Variants in COL21A1 observed in about 807,000 individuals in gnomAD.
COL21A1 encodes collagen type XXI alpha 1 chain, also known as collagen alpha-1(XXI) chain.
COL21A1 carries 149 observed loss-of-function variants against 137.9 expected under a neutral mutation model. The observed-to-expected ratio is 1.08, with a 90% CI of 0.95 to 1.24. The LOEUF is 1.24. COL21A1 is among the 50% of genes most tolerant of loss of function. COL21A1 has a pLI of 0.00. For synonymous variants in COL21A1, 456 were observed against 391.5 expected (o/e 1.16, Z -1.95); for missense variants, 1,167 against 1,158.4 (o/e 1.01, Z -0.11).
chr6:56,090,766 G>A (rs1459620424), intron 17 of COL21A1, among the ~76,000 whole-genome samples: 1 of 151,734 alleles, frequency 6.6e-6, no homozygotes, highest in Non-Finnish European at 1.5e-5. Context: ...AAATACAATT[G>A]AATTTTCAAA....
chr6:56,301,643 C>T (rs1296386027), intron 1 of COL21A1, among the ~76,000 whole-genome samples: 2 of 152,122 alleles, frequency 1.3e-5, no homozygotes, highest in Non-Finnish European at 2.9e-5. Context: ...CCACTTCACC[C>T]TTTAGATATG....
intron 1 of COL21A1, among the ~76,000 whole-genome samples, chr6:56,357,751 T>C (rs964348891): frequency 3.5e-4 from 54 of 152,192 alleles, no homozygotes; most frequent in African/African-American, 1.2e-3. Flanking sequence ...GTCCTGGTTA[T>C]TCTCTGGAAA....
intron 3 of COL21A1, among the ~76,000 whole-genome samples, chr6:56,179,038 G>A (rs1777696844): frequency 1.0e-5 from 1 of 100,028 alleles, no homozygotes; most frequent in Non-Finnish European, 2.2e-5. Flanking sequence ...AATTACAGTA[G>A]GAAATTGTCT....
intron 1 of COL21A1, among the ~76,000 whole-genome samples, chr6:56,280,088 A>G (rs1763756900): frequency 6.6e-6 from 1 of 152,138 alleles, no homozygotes; most frequent in Non-Finnish European, 1.5e-5. Flanking sequence ...CTTACCTACA[A>G]TCCACAAGTT....
intron 1 of COL21A1, among the ~76,000 whole-genome samples, chr6:56,269,263 C>G (rs1483855559): frequency 1.3e-5 from 2 of 152,172 alleles, no homozygotes; most frequent in Admixed American, 1.3e-4. Context: ...AAAAGAATCT[C>G]TGCTAAATAC....
intron 1 of COL21A1, among the ~76,000 whole-genome samples, chr6:56,294,105 C>A (rs1187006546): frequency 6.6e-6 from 1 of 152,110 alleles, no homozygotes; most frequent in Non-Finnish European, 1.5e-5. Flanking sequence ...CTCTACCAGT[C>A]ATAATCACAC....
chr6:56,098,917 G>A (rs1245135057), intron 17 of COL21A1, among the ~76,000 whole-genome samples: 1 of 149,556 alleles, frequency 6.7e-6, no homozygotes, highest in Non-Finnish European at 1.5e-5. Context: ...GGGTTTCACC[G>A]TGTTAGCCAG....
At chr6:56,363,834 G>T (rs1035622677) in intron 1 of COL21A1, among the ~76,000 whole-genome samples, 1 of 152,170 alleles carries the variant, frequency 6.6e-6, no homozygotes, top group Non-Finnish European at 1.5e-5. Flanking sequence ...CCTTGGAAGA[G>T]AACTACTTCA....
intron 1 of COL21A1, among the ~76,000 whole-genome samples, chr6:56,201,348 C>A (rs1352773806): frequency 6.6e-6 from 1 of 152,112 alleles, no homozygotes; most frequent in Non-Finnish European, 1.5e-5. Context: ...GTTGCCATTG[C>A]TTTTGGTGTT....
intron 1 of COL21A1, among the ~76,000 whole-genome samples, chr6:56,234,997 T>C (rs1043353097): frequency 4.0e-5 from 6 of 151,850 alleles, no homozygotes; most frequent in African/African-American, 1.4e-4. Flanking sequence ...TTCCTACTTC[T>C]CCGCACCTAA....
chr6:56,112,707 G>A lies in COL21A1; in HGVS notation c.1759-11182C>T, dbSNP rs188251889. 1.1e-3 allele frequency among the ~76,000 whole-genome samples: 151 copies of A among 140,700 alleles called. 3 individuals carry two copies. The East Asian group carries it at 0.02, about 19-fold the overall frequency. 92.3% of individuals were successfully genotyped at this position (140,700 alleles called of 152,430 possible). A position where few individuals can be genotyped will look rare whatever the true frequency, so the allele number is the denominator to read the frequency against. On this transcript the variant is annotated intron_variant, in intron 16 of 29. Coordinates refer to ENST00000244728, the MANE Select transcript of COL21A1 (RefSeq NM_030820.4). ...TTTTTCTTTTTTTTTTTTTTGAGAC[G>A]GAGTTTCGCTCTTGTTAGCCAGGCT...
At chr6:56,377,410 A>C (rs1351904356) in intron 1 of COL21A1, among the ~76,000 whole-genome samples, 2 of 152,018 alleles carry the variant, frequency 1.3e-5, no homozygotes, top group African/African-American at 4.8e-5. Context: ...AGGGCATTTC[A>C]GTGCTCTGGG....
chr6:56,093,303 T>G (rs1373177340), intron 17 of COL21A1, among the ~76,000 whole-genome samples: 1 of 152,068 alleles, frequency 6.6e-6, no homozygotes, highest in Admixed American at 6.6e-5. Context: ...CACAAAAGTC[T>G]CAACAATTTA....
At chr6:56,339,964 G>GA (rs142689850) in intron 1 of COL21A1, among the ~76,000 whole-genome samples, 1 of 152,104 alleles carries the variant, frequency 6.6e-6, no homozygotes, top group Non-Finnish European at 1.5e-5. Flanking sequence ...CACACTTTTG[G>GA]AAAAAATGGG....
chr6:56,385,290 T>C (rs554953517), intron 1 of COL21A1, among the ~76,000 whole-genome samples: 1 of 152,342 alleles, frequency 6.6e-6, no homozygotes, highest in South Asian at 2.1e-4. Context: ...CAACATCAAC[T>C]TATCTCACAG....
At chr6:56,238,993 C>T (rs996617300) in intron 1 of COL21A1, among the ~76,000 whole-genome samples, 3 of 152,128 alleles carry the variant, frequency 2.0e-5, no homozygotes, top group Admixed American at 6.5e-5. Context: ...ACACTTGACA[C>T]ATAGCAAATT....
intron 1 of COL21A1, among the ~76,000 whole-genome samples, chr6:56,340,554 G>A (rs771769152): frequency 2.0e-5 from 3 of 152,140 alleles, no homozygotes; most frequent in Non-Finnish European, 4.4e-5. Flanking sequence ...CTAAGGACTA[G>A]TGGAATATTT....
chr6:56,218,215 A>G (rs988403203), intron 1 of COL21A1, among the ~76,000 whole-genome samples: 9 of 152,112 alleles, frequency 5.9e-5, no homozygotes, highest in Admixed American at 4.6e-4. Flanking sequence ...TTCAAAGTGT[A>G]AAGAAAATGC....
intron 18 of COL21A1, among the ~76,000 whole-genome samples, chr6:56,076,780 A>G (rs1003291383): frequency 6.6e-6 from 1 of 151,556 alleles, no homozygotes; most frequent in Non-Finnish European, 1.5e-5. Flanking sequence ...ATGTCTAACC[A>G]GAATTCCAGA....
Sources: allele counts gnomAD v4.1 joint callset (sites outside exome capture counted in the v4.1 genomes callset), GRCh38; gene constraint gnomAD v4.1.1; transcripts MANE v1.5; gene names NCBI Gene and HGNC (gene_info 2026-07-23, HGNC 2026-07-21).